The following ZDHHC14 variants were observed in gnomAD, a reference collection of about 807,000 sequenced individuals.
The protein encoded by ZDHHC14 is palmitoyltransferase ZDHHC14.
A neutral mutation model predicts 47.7 loss-of-function variants in ZDHHC14; 16 were observed. That is an observed-to-expected ratio of 0.34 (90% CI 0.23 to 0.51). The LOEUF is 0.51. Among genes scored for constraint, ZDHHC14 ranks in the 20% least tolerant of loss-of-function variants. The pLI is 0.97. For missense variants in ZDHHC14, 515 were observed against 662.5 expected (o/e 0.78, Z 2.44); for synonymous variants, 293 against 278.9 (o/e 1.05, Z -0.50).
chr6:157,477,394 A>G (rs1374336352), intron 1 of ZDHHC14, among the ~76,000 whole-genome samples: 1 of 152,198 alleles, frequency 6.6e-6, no homozygotes, highest in Non-Finnish European at 1.5e-5. Flanking sequence ...AAAAAGCAAA[A>G]CAAAACACAA....
intron 2 of ZDHHC14, among the ~76,000 whole-genome samples, chr6:157,564,296 C>A (rs184082159): frequency 6.6e-6 from 1 of 152,286 alleles, no homozygotes; most frequent in Admixed American, 6.5e-5. Flanking sequence ...CCTCTGCCGT[C>A]TTCATGTCAA....
intron 1 of ZDHHC14, among the ~76,000 whole-genome samples, chr6:157,498,234 C>T (rs34369796): frequency 0.028 from 4,162 of 147,500 alleles, 173 homozygotes; most frequent in African/African-American, 0.099. Flanking sequence ...GCCAGGAGTT[C>T]GAGACCAGCC....
rs1014756812 is a variant in ZDHHC14, at chr6:157,667,689, A to G, written c.1069-5035A>G. On this transcript the variant is annotated intron_variant, in intron 8 of 8. Transcript: ENST00000359775. ...CACAGTAACCCTGAAAATACTGGCC[A>G]TTTTCCCCCATGACTTTCTCAAATG... Among the ~76,000 whole-genome samples the G allele has an allele frequency of 6.6e-5, 10 of 152,008 alleles. No homozygotes were observed. The East Asian group carries it at 1.9e-3, about 29-fold the overall frequency.
intron 1 of ZDHHC14, among the ~76,000 whole-genome samples, chr6:157,415,037 T>C (rs1777946624): frequency 6.6e-6 from 1 of 152,122 alleles, no homozygotes; most frequent in Admixed American, 6.6e-5. Flanking sequence ...CCACACTTCC[T>C]AGCGAGGACA....
chr6:157,474,521 C>T (rs1779431295), intron 1 of ZDHHC14, among the ~76,000 whole-genome samples: 1 of 152,160 alleles, frequency 6.6e-6, no homozygotes, highest in African/African-American at 2.4e-5. Flanking sequence ...TACTCATTTA[C>T]ATTCTCACCA....
intron 3 of ZDHHC14, among the ~76,000 whole-genome samples, chr6:157,611,904 C>T (rs1011220837): frequency 4.6e-5 from 7 of 152,122 alleles, no homozygotes; most frequent in African/African-American, 9.7e-5. Flanking sequence ...TTTTGCCTTC[C>T]GGAGTCTCTC....
intron 1 of ZDHHC14, among the ~76,000 whole-genome samples, chr6:157,440,806 C>G (rs955404948): frequency 2.6e-5 from 4 of 152,170 alleles, no homozygotes; most frequent in Admixed American, 2.0e-4. Flanking sequence ...AAGACAGAAG[C>G]TATCACATAT....
intron 1 of ZDHHC14, among the ~76,000 whole-genome samples, chr6:157,416,972 GTTTTTTTTTTTTTTTTTT>G (rs71027335): frequency 2.2e-5 from 1 of 45,560 alleles, no homozygotes; most frequent in South Asian, 1.5e-3. Context: ...TGCCTGGCTA[GTTTTTTTTTTTTTTTTTT>G]TTTTTTTTTT....
chr6:157,475,994 C>A (rs1779472519), intron 1 of ZDHHC14, among the ~76,000 whole-genome samples: 1 of 151,582 alleles, frequency 6.6e-6, no homozygotes, highest in Admixed American at 6.6e-5. Context: ...ATACTTGCAT[C>A]AAAAAAGAGG....
intron 1 of ZDHHC14, among the ~76,000 whole-genome samples, chr6:157,436,922 G>A (rs1000849310): frequency 2.0e-4 from 31 of 152,124 alleles, no homozygotes; most frequent in African/African-American, 7.2e-4. Flanking sequence ...TACAGGGGTG[G>A]TCTGAGGTGC....
chr6:157,589,375 G>A (rs1046799866), intron 2 of ZDHHC14, among the ~76,000 whole-genome samples: 7 of 152,238 alleles, frequency 4.6e-5, no homozygotes, highest in East Asian at 1.9e-4. Flanking sequence ...TCAACATCTC[G>A]GAGGAGTTTT....
intron 1 of ZDHHC14, among the ~76,000 whole-genome samples, chr6:157,483,105 C>G (rs1238730524): frequency 6.6e-6 from 1 of 152,154 alleles, no homozygotes; most frequent in Non-Finnish European, 1.5e-5. Context: ...AGACCTGGAC[C>G]TGGTAGCTAT....
intron 2 of ZDHHC14, among the ~76,000 whole-genome samples, chr6:157,590,931 G>A (rs1428244300): frequency 6.6e-6 from 1 of 152,266 alleles, no homozygotes. Flanking sequence ...TGACCTGCAT[G>A]TGAGACATGG....
chr6:157,645,616 T>TGA (rs906178247), intron 5 of ZDHHC14, 121 bp from the exon 6 acceptor site: 2 of 706,814 alleles, frequency 2.8e-6, no homozygotes, highest in African/African-American at 3.6e-5. Context: ...CAAGGCCGGG[T>TGA]GAGAGAGAGG....
intron 1 of ZDHHC14, among the ~76,000 whole-genome samples, chr6:157,480,223 C>T (rs1279976141): frequency 6.8e-6 from 1 of 146,772 alleles, no homozygotes; most frequent in South Asian, 2.1e-4. Context: ...AACAAATAGA[C>T]TTTGGGTCAG....
chr6:157,556,021 C>G (rs763328918), intron 2 of ZDHHC14, among the ~76,000 whole-genome samples: 39 of 152,008 alleles, frequency 2.6e-4, no homozygotes, highest in Non-Finnish European at 4.4e-4. Flanking sequence ...CATGAATGGC[C>G]GGAGGAGGCG....
At chr6:157,668,378 AT>A (rs978506280) in intron 8 of ZDHHC14, among the ~76,000 whole-genome samples, 1 of 152,040 alleles carries the variant, frequency 6.6e-6, no homozygotes, top group Non-Finnish European at 1.5e-5. Context: ...TTCTATATAG[AT>A]TTTTTAAATT....
chr6:157,400,092 T>A (rs910471405), intron 1 of ZDHHC14, among the ~76,000 whole-genome samples: 7 of 152,232 alleles, frequency 4.6e-5, no homozygotes, highest in African/African-American at 1.4e-4. Flanking sequence ...CTGAATAAAT[T>A]CATTGAAACT....
At chr6:157,470,096 C>A (rs946639796) in intron 1 of ZDHHC14, among the ~76,000 whole-genome samples, 2 of 152,164 alleles carry the variant, frequency 1.3e-5, no homozygotes, top group Non-Finnish European at 2.9e-5. Context: ...CTATCAGGTA[C>A]TCTCTGATGA....
Sources: gnomAD v4.1 joint callset for allele counts (sites outside exome capture counted in the v4.1 genomes callset) on GRCh38, gnomAD v4.1.1 for gene constraint, MANE v1.5 for transcripts, NCBI Gene and HGNC (gene_info 2026-07-23, HGNC 2026-07-21) for gene names.